Variants in CFLAR observed in about 807,000 individuals in gnomAD.
CFLAR encodes CASP8 and FADD-like apoptosis regulator.
In CFLAR, 14 loss-of-function variants were observed where a neutral mutation model predicts 51.1. The observed-to-expected ratio is 0.27, with a 90% confidence interval of 0.18 to 0.43. The LOEUF (loss-of-function observed/expected upper bound fraction) is 0.43. CFLAR is among the 20% of genes least tolerant of loss of function. The pLI is 1.00. For missense variants in CFLAR, 390 were observed against 566.5 expected, an observed-to-expected ratio of 0.69 and a Z score of 3.16; for synonymous variants, 210 against 211.6, an observed-to-expected ratio of 0.99 and a Z score of 0.06.
At position 201,138,236 on chromosome 2, in the gene CFLAR, G is replaced by T; in HGVS notation, c.524-2121G>T. ...GATCTGATACACCGAGTTCCCTTGG[G>T]ACGAGTCCAAGCCTATGACATTGAC... is the stretch of plus-strand genomic sequence containing the variant. On this transcript the variant is annotated intron_variant, in intron 4 of 9. Transcript: ENST00000309955. The surrounding 1 kb of genome is among the most constrained non-coding windows in gnomAD (Gnocchi z 4.0). 1.1e-6 allele frequency: 1 copy of T among 912,160 alleles called. No individual in the cohort carries two copies. The highest frequency in any genetic ancestry group is 1.8e-6 in the Non-Finnish European group (1 of 544,202). The allele number at this position is 912,160 out of a possible 1,614,324, so 56.5% of individuals were successfully genotyped here.
At chr2:201,133,202 C>A in intron 3 of CFLAR, 68 bp downstream of exon 3, 1 of 1,179,638 alleles carries the variant, frequency 8.5e-7, no homozygotes, top group Non-Finnish European at 1.3e-6. Flanking sequence ...CTTGTTGATA[C>A]AGAGAGAGGG....
intron 8 of CFLAR, among the ~76,000 whole-genome samples, chr2:201,156,725 AC>A (rs1440329818): frequency 1.3e-5 from 1 of 79,538 alleles, no homozygotes; most frequent in African/African-American, 4.8e-5. Flanking sequence ...TCCCCTCCCC[AC>A]CCCCCCACAT....
intron 8 of CFLAR, chr2:201,157,930 C>T (rs1447015002): frequency 1.3e-5 from 2 of 152,258 alleles, no homozygotes; most frequent in Non-Finnish European, 2.9e-5. Context: ...TGGAGTGACT[C>T]CCTTGCCACA....
At chr2:201,117,981 CT>C (rs1440257175) in intron 1 of CFLAR, among the ~76,000 whole-genome samples, 1 of 151,934 alleles carries the variant, frequency 6.6e-6, no homozygotes, top group African/African-American at 2.4e-5. Context: ...TCTCGAACTC[CT>C]GACCTTAGGT....
At chr2:201,149,887 A>G in intron 8 of CFLAR, 52 bp downstream of exon 8, 9 of 1,342,584 alleles carry the variant, frequency 6.7e-6, no homozygotes, top group Non-Finnish European at 9.6e-6. Flanking sequence ...AGATCATGGC[A>G]CAGGCAAGCT....
chr2:201,151,345 A>G (rs544308008), intron 8 of CFLAR: 59 of 152,222 alleles, frequency 3.9e-4, no homozygotes, highest in African/African-American at 1.4e-3. Context: ...AGGATCGATC[A>G]TTGTATTTCC....
chr2:201,139,138 A>G, intron 4 of CFLAR: 3 of 370,914 alleles, frequency 8.1e-6, no homozygotes, highest in South Asian at 6.3e-5. Context: ...CTTACCCCCA[A>G]CCCTGTGCTC....
intron 1 of CFLAR, among the ~76,000 whole-genome samples, chr2:201,125,896 C>T (rs1217558325): frequency 2.6e-5 from 4 of 152,006 alleles, no homozygotes; most frequent in Non-Finnish European, 5.9e-5. Context: ...GGTGCTGGAG[C>T]GATCAACCAT....
At chr2:201,130,252 C>A in intron 2 of CFLAR, 106 bp downstream of exon 2, 1 of 1,037,210 alleles carries the variant, frequency 9.6e-7, no homozygotes, top group Admixed American at 3.0e-5. Flanking sequence ...AGCCACTTTA[C>A]TGTCTCTGCC....
At chr2:201,125,223 G>A (rs1308292692) in intron 1 of CFLAR, among the ~76,000 whole-genome samples, 2 of 152,194 alleles carry the variant, frequency 1.3e-5, no homozygotes, top group Non-Finnish European at 2.9e-5. Context: ...GACTGAGTGT[G>A]GCTGTGTAGA....
At chr2:201,119,113 A>G (rs975281238) in intron 1 of CFLAR, 3 of 152,232 alleles carry the variant, frequency 2.0e-5, no homozygotes, top group African/African-American at 7.2e-5. Context: ...GGAATGGGGC[A>G]CCCTTGAAGT....
chr2:201,151,700 G>A (rs1455728588), intron 8 of CFLAR, among the ~76,000 whole-genome samples: 3 of 151,326 alleles, frequency 2.0e-5, no homozygotes, highest in East Asian at 1.9e-4. Flanking sequence ...GATGTTGTAC[G>A]TATATCTGTT....
chr2:201,148,736 A>G (rs1940730727), intron 6 of CFLAR: 5 of 366,700 alleles, frequency 1.4e-5, no homozygotes, highest in African/African-American at 2.0e-5. Context: ...TTCCTCACCT[A>G]GAACGGGGTA....
intron 4 of CFLAR, chr2:201,137,339 G>A (rs1356039299): frequency 1.8e-5 from 6 of 336,598 alleles, no homozygotes; most frequent in Admixed American, 1.2e-4. Flanking sequence ...GACTCTGCAG[G>A]GGATGCCCAG....
chr2:201,163,433 A>G (rs1316531315), intron 9 of CFLAR: 5 of 1,111,204 alleles, frequency 4.5e-6, no homozygotes, highest in Non-Finnish European at 5.5e-6. Flanking sequence ...TACCCCAGGA[A>G]TAAATCTCAT....
intron 6 of CFLAR, chr2:201,145,665 T>C: frequency 4.3e-6 from 2 of 463,156 alleles, no homozygotes; most frequent in East Asian, 3.6e-5. Flanking sequence ...ATCTTGGCCG[T>C]ATGTTAAGAG....
chr2:201,171,081 A>C lies in CFLAR; in HGVS notation c.*7108A>C, dbSNP rs1208483380. 6.6e-6 allele frequency: 1 copy of C among 152,194 alleles called. No individual in the cohort carries two copies. Among genetic ancestry groups the C allele is most frequent in the Non-Finnish European group, 1.5e-5 (1 of 68,036 alleles). The allele number at this position is 152,194 out of a possible 1,614,324, so 9.4% of individuals were successfully genotyped here. Reference sequence around the variant, plus strand: ...AACCAAACATTGTATGTTCTCACTCATAAGTGGGAGATAAGCTATGAGGAT... The same window carrying C: ...AACCAAACATTGTATGTTCTCACTCCTAAGTGGGAGATAAGCTATGAGGAT... On this transcript the variant is annotated 3_prime_UTR_variant, in exon 10 of 10. Coordinates refer to ENST00000309955, the MANE Select transcript of CFLAR (RefSeq NM_003879.7).
In CFLAR at chr2:201,170,244, A is replaced by G. The variant is rs933002913; in HGVS notation, c.*6271A>G. 6.6e-6 allele frequency: 1 copy of G among 152,256 alleles called. No individual in the cohort carries two copies. Among genetic ancestry groups the G allele is most frequent in the Non-Finnish European group, 1.5e-5 (1 of 68,046 alleles). The allele number at this position is 152,256 out of a possible 1,614,324, so 9.4% of individuals were successfully genotyped here. On this transcript the variant is annotated 3_prime_UTR_variant, in exon 10 of 10. Transcript: ENST00000309955. ...ACTGGATAAAGAAAATGTGGTACAT[A>G]TACACCATGGAATACTGTGCAGTGC...
chr2:201,131,361 G>A (rs1351988091), intron 2 of CFLAR, among the ~76,000 whole-genome samples: 1 of 151,960 alleles, frequency 6.6e-6, no homozygotes, highest in Non-Finnish European at 1.5e-5. Flanking sequence ...TTAGCCTCCT[G>A]AGTAGCTGGG....
Sources: gnomAD v4.1 joint callset for allele counts (sites outside exome capture counted in the v4.1 genomes callset) on GRCh38, gnomAD v4.1.1 for gene constraint, Gnocchi (gnomAD v3.1) non-coding constraint, MANE v1.5 for transcripts, NCBI Gene and HGNC (gene_info 2026-07-23, HGNC 2026-07-21) for gene names.